The following CACNB2 variants were observed in gnomAD, a reference collection of about 807,000 sequenced individuals.
CACNB2 encodes calcium voltage-gated channel auxiliary subunit beta 2.
A neutral mutation model predicts 73.3 loss-of-function variants in CACNB2; 42 were observed. The ratio of observed to expected loss-of-function variants is 0.57; its 90% CI spans 0.45 to 0.74. The LOEUF (loss-of-function observed/expected upper bound fraction) is 0.74. Ranked by LOEUF, CACNB2 falls within the 30% of genes least tolerant of loss-of-function variation. CACNB2 has a pLI of 0.00. For missense variants in CACNB2, 940 were observed against 853.0 expected, an observed-to-expected ratio of 1.10 and a Z score of -1.27; for synonymous variants, 348 against 310.3, an observed-to-expected ratio of 1.12 and a Z score of -1.28.
intron 1 of CACNB2, among the ~76,000 whole-genome samples, chr10:18,147,695 TTAAC>T (rs1207311753): frequency 2.6e-5 from 4 of 151,896 alleles, no homozygotes; most frequent in African/African-American, 9.7e-5. Flanking sequence ...AAGTAGCAAA[TTAAC>T]TAAAACAATT....
intron 2 of CACNB2, among the ~76,000 whole-genome samples, chr10:18,259,871 C>T (rs1406924834): frequency 1.3e-5 from 2 of 152,118 alleles, no homozygotes; most frequent in Non-Finnish European, 2.9e-5. Flanking sequence ...GATTGCACCA[C>T]TGCACTTCAG....
At chr10:18,277,516 C>A (rs954614777) in intron 2 of CACNB2, among the ~76,000 whole-genome samples, 1 of 152,102 alleles carries the variant, frequency 6.6e-6, no homozygotes, top group East Asian at 1.9e-4. Flanking sequence ...ACCAAGGAGA[C>A]AAAAGTGAGT....
rs554625449 is a variant in CACNB2, at chr10:18,267,224, T to C, written c.213+116249T>C. On this transcript the variant is annotated intron_variant, in intron 2 of 13. Coordinates refer to ENST00000324631, the MANE Select transcript of CACNB2 (RefSeq NM_201596.3). ...TTTTTTTATTAATAATAGCTTTTAATATTGGCCATGTTAAAATCCTTAATT... is the reference window on the plus strand; with the variant it reads ...TTTTTTTATTAATAATAGCTTTTAACATTGGCCATGTTAAAATCCTTAATT... Among the ~76,000 whole-genome samples the C allele has an allele frequency of 3.7e-3, 567 of 152,264 alleles. 3 individuals are homozygous for C. Among genetic ancestry groups the C allele is most frequent in the African/African-American group, 0.013 (541 of 41,548 alleles).
chr10:18,228,150 C>T (rs899427595), intron 2 of CACNB2, among the ~76,000 whole-genome samples: 6 of 152,036 alleles, frequency 3.9e-5, no homozygotes, highest in Non-Finnish European at 8.8e-5. Context: ...AGGCCGGACG[C>T]GGTGACTCAC....
chr10:18,429,341 C>T lies in CACNB2; in HGVS notation c.333+27298C>T, dbSNP rs116733981. Among the ~76,000 whole-genome samples the T allele has an allele frequency of 8.4e-3, 1,281 of 152,250 alleles. 19 individuals are homozygous for T. Among genetic ancestry groups the T allele is most frequent in the African/African-American group, 0.03 (1,227 of 41,544 alleles). On this transcript the variant is annotated intron_variant, in intron 3 of 13. Transcript: ENST00000324631. The stretch of plus-strand genomic sequence containing the variant: ...TTCTCTGTCTTTGGTGTGGTGTCAT[C>T]TCACTGTGATCCATCCAGGTACTGG...
intron 3 of CACNB2, among the ~76,000 whole-genome samples, chr10:18,406,782 T>G (rs562388432): frequency 6.6e-6 from 1 of 152,114 alleles, no homozygotes; most frequent in East Asian, 1.9e-4. Flanking sequence ...ATGGAACAAT[T>G]GTTTTCCCTG....
At chr10:18,489,110 A>G (rs1474700334) in intron 3 of CACNB2, among the ~76,000 whole-genome samples, 2 of 152,060 alleles carry the variant, frequency 1.3e-5, no homozygotes, top group Admixed American at 1.3e-4. Flanking sequence ...TCAGGAGATC[A>G]AGACCATCCT....
At chr10:18,332,288 G>C (rs1340997106) in intron 2 of CACNB2, among the ~76,000 whole-genome samples, 1 of 152,140 alleles carries the variant, frequency 6.6e-6, no homozygotes, top group East Asian at 1.9e-4. Flanking sequence ...GGTGGCAAGG[G>C]TTGGATTTGC....
intron 3 of CACNB2, among the ~76,000 whole-genome samples, chr10:18,414,456 T>G (rs556735124): frequency 7.6e-4 from 115 of 151,808 alleles, no homozygotes; most frequent in Non-Finnish European, 1.5e-3. Context: ...AGGAACCTGA[T>G]GGTTCCAGAA....
intron 3 of CACNB2, 128 bp from the exon 4 acceptor site, chr10:18,498,223 TAAAG>T: frequency 1.3e-5 from 14 of 1,083,366 alleles, no homozygotes; most frequent in Non-Finnish European, 1.9e-5. Flanking sequence ...TGTTTTGTGA[TAAAG>T]AACCAGTGCA....
At chr10:18,286,768 A>C (rs550488975) in intron 2 of CACNB2, among the ~76,000 whole-genome samples, 4 of 152,254 alleles carry the variant, frequency 2.6e-5, no homozygotes, top group Admixed American at 1.3e-4. Flanking sequence ...GGTGATTCCT[A>C]TTGCTGACAT....
In CACNB2 at chr10:18,498,334, CT is replaced by C; in HGVS notation, c.334-20del. ...TGTTGTTTTGCTCTTATTTTTTTCC[CT>C]CTTCCTTTTCCCACTTTAGACAAAG... On this transcript the variant is annotated intron_variant, in intron 3 of 13. Coordinates refer to ENST00000324631, the MANE Select transcript of CACNB2 (RefSeq NM_201596.3). The C allele has an allele frequency of 6.2e-7, 1 of 1,613,898 alleles. No individual in the cohort carries two copies. Among genetic ancestry groups the C allele is most frequent in the African/African-American group, 1.3e-5 (1 of 75,028 alleles).
intron 3 of CACNB2, among the ~76,000 whole-genome samples, chr10:18,497,891 C>T (rs1191123464): frequency 2.6e-5 from 4 of 152,234 alleles, no homozygotes; most frequent in East Asian, 1.9e-4. Flanking sequence ...ATATTTTCCC[C>T]GGCTCTTTTC....
At chr10:18,268,451 G>T (rs1197678657) in intron 2 of CACNB2, among the ~76,000 whole-genome samples, 1 of 152,156 alleles carries the variant, frequency 6.6e-6, no homozygotes, top group Non-Finnish European at 1.5e-5. Context: ...AAAGAGAAAA[G>T]GCTAGATTTG....
rs561532081 is a variant in CACNB2, at chr10:18,148,629, CAT to C, written c.121-2251_121-2250del. 3.1e-3 allele frequency among the ~76,000 whole-genome samples: 466 copies of C among 152,242 alleles called. 2 individuals are homozygous for C. Among genetic ancestry groups the C allele is most frequent in the African/African-American group, 0.011 (451 of 41,544 alleles). ...ACATTCAAGAAGTTGGATAATGAGA[CAT>C]ATTTATCACTAAAATGCTAAAATTA... On this transcript the variant is annotated intron_variant, in intron 1 of 13. Coordinates refer to ENST00000324631, the MANE Select transcript of CACNB2 (RefSeq NM_201596.3).
chr10:18,532,774 A>C (rs2053195626), intron 10 of CACNB2, among the ~76,000 whole-genome samples: 1 of 152,036 alleles, frequency 6.6e-6, no homozygotes, highest in South Asian at 2.1e-4. Flanking sequence ...CTTTAAAAGC[A>C]AGGAGTTACA....
At chr10:18,191,997 A>G (rs932302161) in intron 2 of CACNB2, among the ~76,000 whole-genome samples, 15 of 151,908 alleles carry the variant, frequency 9.9e-5, no homozygotes, top group Non-Finnish European at 1.2e-4. Context: ...CCACAGTGGT[A>G]AAAAGGACTA....
At chr10:18,214,912 T>A (rs1455709018) in intron 2 of CACNB2, among the ~76,000 whole-genome samples, 5 of 152,202 alleles carry the variant, frequency 3.3e-5, no homozygotes, top group Non-Finnish European at 5.9e-5. Context: ...CGCCAGGGAT[T>A]TTTTGCCCAG....
intron 4 of CACNB2, among the ~76,000 whole-genome samples, chr10:18,499,637 A>AAAG (rs144749477): frequency 0.065 from 5,991 of 92,370 alleles, 922 homozygotes; most frequent in Non-Finnish European, 0.082. Context: ...AAAAAAAAAA[A>AAAG]AAGAACCTAG....
Sources: gnomAD v4.1 joint callset for allele counts (sites outside exome capture counted in the v4.1 genomes callset) on GRCh38, gnomAD v4.1.1 for gene constraint, MANE v1.5 for transcripts, NCBI Gene and HGNC (gene_info 2026-07-23, HGNC 2026-07-21) for gene names.